ZFHX3: variants seen among roughly 807,000 people sequenced by gnomAD.
ZFHX3 encodes zinc finger homeobox 3, also known as zinc finger homeobox protein 3.
In ZFHX3, 42 loss-of-function variants were observed where a neutral mutation model predicts 279.1. That is an observed-to-expected ratio of 0.15 (90% CI 0.12 to 0.19). ZFHX3 has a LOEUF of 0.19. Ranked by LOEUF, ZFHX3 falls within the 10% of genes least tolerant of loss-of-function variation. The pLI is 1.00. For missense variants in ZFHX3, 4,981 were observed against 4,754.0 expected (o/e 1.05, Z -1.40); for synonymous variants, 2,293 against 1,957.8 (o/e 1.17, Z -4.52).
intron 3 of ZFHX3, among the ~76,000 whole-genome samples, chr16:72,925,795 C>T (rs746808459): frequency 9.2e-5 from 14 of 152,202 alleles, no homozygotes; most frequent in Non-Finnish European, 1.6e-4. Context: ...GGGGCTGGAA[C>T]GGGCACCAGC....
chr16:73,755,649 C>G (rs935084354), intron 1 of ZFHX3, among the ~76,000 whole-genome samples: 1 of 152,184 alleles, frequency 6.6e-6, no homozygotes, highest in Admixed American at 6.5e-5. Flanking sequence ...ATTGTCCTGA[C>G]AGCTCACAGT....
chr16:73,309,978 C>T (rs543224004), intron 4 of ZFHX3, among the ~76,000 whole-genome samples: 8 of 143,722 alleles, frequency 5.6e-5, no homozygotes, highest in African/African-American at 1.3e-4. Flanking sequence ...GAGCAATCTC[C>T]GCTCACTGCA....
chr16:72,882,747 T>G (rs1248404587), intron 4 of ZFHX3, among the ~76,000 whole-genome samples: 3 of 152,106 alleles, frequency 2.0e-5, no homozygotes, highest in African/African-American at 4.8e-5. Flanking sequence ...AAAGTTTAAT[T>G]GCCCTTAATT....
At chr16:72,889,415 G>C (rs1307037455) in intron 4 of ZFHX3, among the ~76,000 whole-genome samples, 1 of 150,442 alleles carries the variant, frequency 6.6e-6, no homozygotes, top group Admixed American at 6.6e-5. Flanking sequence ...CTGTTGGCCT[G>C]CTCCCTGGGT....
At chr16:73,725,193 T>G (rs2053507638) in intron 1 of ZFHX3, among the ~76,000 whole-genome samples, 1 of 152,236 alleles carries the variant, frequency 6.6e-6, no homozygotes, top group Non-Finnish European at 1.5e-5. Flanking sequence ...GTTTATTTCT[T>G]CTTGAAGAAC....
intron 2 of ZFHX3, among the ~76,000 whole-genome samples, chr16:73,591,724 GAA>G (rs2052001415): frequency 9.9e-6 from 1 of 101,224 alleles, no homozygotes; most frequent in South Asian, 3.9e-4. Flanking sequence ...AAAAAGAAAA[GAA>G]AAGAAAACGG....
intron 4 of ZFHX3, among the ~76,000 whole-genome samples, chr16:73,267,557 T>C (rs2014012092): frequency 6.6e-6 from 1 of 152,178 alleles, no homozygotes; most frequent in Admixed American, 6.5e-5. Context: ...CGAGCCTCAA[T>C]GACATCCGGT....
chr16:73,604,081 A>G (rs1278154145), intron 2 of ZFHX3, among the ~76,000 whole-genome samples: 1 of 152,014 alleles, frequency 6.6e-6, no homozygotes, highest in African/African-American at 2.4e-5. Flanking sequence ...CAGCCATTCT[A>G]TATTATTAAT....
intron 3 of ZFHX3, among the ~76,000 whole-genome samples, chr16:73,439,086 A>C (rs2018043071): frequency 6.6e-6 from 1 of 152,192 alleles, no homozygotes; most frequent in Non-Finnish European, 1.5e-5. Context: ...TTCCTCCCTA[A>C]ACCAAAGCAA....
intron 3 of ZFHX3, among the ~76,000 whole-genome samples, chr16:73,430,473 G>A (rs1012912353): frequency 1.3e-5 from 2 of 152,092 alleles, no homozygotes; most frequent in South Asian, 2.1e-4. Flanking sequence ...AGGTGCTGAG[G>A]ACACAGCAGG....
rs1162434013 is a variant in ZFHX3 at position 73,539,433 on chromosome 16, C to CTTTTTTTTTTTT, written c.-1546-83187_-1546-83176dup. ...TAAATTTTTTTCCCTTCCTCTTCTTCTTTTTTTTTTTTTTTTTTTTTTTTT... is the reference window on the plus strand; with the variant it reads ...TAAATTTTTTTCCCTTCCTCTTCTTCTTTTTTTTTTTTTTTTTTTTTTTTTTTTTTTTTTTTT... On this transcript the variant is annotated intron_variant, in intron 2 of 17. Transcript: ENST00000641206. 2.0e-3 allele frequency among the ~76,000 whole-genome samples: 132 copies of CTTTTTTTTTTTT among 65,074 alleles called. 10 individuals are homozygous for CTTTTTTTTTTTT. The highest frequency in any genetic ancestry group is 6.3e-3 in the South Asian group (7 of 1,110). The allele number at this position is 65,074 out of a possible 152,430, so 42.7% of individuals were successfully genotyped here.
intron 2 of ZFHX3, among the ~76,000 whole-genome samples, chr16:73,556,596 AG>A (rs535427091): frequency 1.0e-3 from 156 of 152,190 alleles, no homozygotes; most frequent in African/African-American, 3.4e-3. Context: ...TGGGGTTTTC[AG>A]GGTGGCAGGG....
At chr16:72,864,883 G>A (rs151037058) in intron 4 of ZFHX3, among the ~76,000 whole-genome samples, 2 of 152,320 alleles carry the variant, frequency 1.3e-5, no homozygotes, top group East Asian at 1.9e-4. Context: ...TTCAATTTAT[G>A]AGCCGTGATG....
chr16:72,823,602 TTTTA>T (rs879725579), intron 5 of ZFHX3, among the ~76,000 whole-genome samples: 1 of 152,220 alleles, frequency 6.6e-6, no homozygotes, highest in African/African-American at 2.4e-5. Flanking sequence ...GCCTTGAGCC[TTTTA>T]TCCAGGGTAT....
rs779263551 is a variant in ZFHX3, at chr16:72,795,295, TCTGCTCGGG to T, written c.7378_7386del (p.Pro2460_Gln2462del). ...AGCTTCTGCTGGGGAGTGTTGGTCTTCTGCTCGGGCTGCTCTTGCTGCTGCAGCTCTGGC... is the reference window on the plus strand; with the variant it reads ...AGCTTCTGCTGGGGAGTGTTGGTCTTCTGCTCTTGCTGCTGCAGCTCTGGC... On this transcript the variant is annotated inframe_deletion, in exon 9 of 10. Coordinates refer to ENST00000268489, the MANE Select transcript of ZFHX3 (RefSeq NM_006885.4). The T allele has an allele frequency of 1.2e-5, 19 of 1,613,806 alleles. No homozygotes were observed. The African/African-American group carries it at 2.3e-4, about 19-fold the overall frequency.
At chr16:73,490,937 T>C (rs1418270103) in intron 2 of ZFHX3, among the ~76,000 whole-genome samples, 10 of 152,344 alleles carry the variant, frequency 6.6e-5, no homozygotes, top group Admixed American at 6.5e-4. Flanking sequence ...TATAATACAA[T>C]GTCAGATTTC....
At chr16:73,838,564 G>A (rs183906947) in intron 1 of ZFHX3, among the ~76,000 whole-genome samples, 4 of 152,232 alleles carry the variant, frequency 2.6e-5, no homozygotes, top group Admixed American at 2.0e-4. Context: ...AAAGACCTTT[G>A]CAAACAGTAA....
At chr16:73,321,199 T>C (rs1478074998) in intron 3 of ZFHX3, among the ~76,000 whole-genome samples, 1 of 152,184 alleles carries the variant, frequency 6.6e-6, no homozygotes, top group Non-Finnish European at 1.5e-5. Flanking sequence ...CATTGCTCTC[T>C]AAAATTTTCT....
intron 3 of ZFHX3, among the ~76,000 whole-genome samples, chr16:72,896,647 C>CA (rs1033501725): frequency 3.2e-4 from 49 of 151,902 alleles, no homozygotes; most frequent in African/African-American, 9.9e-4. Context: ...TCGTGAAAAT[C>CA]AAAAAAACGT....
Sources: allele counts gnomAD v4.1 joint callset (sites outside exome capture counted in the v4.1 genomes callset), GRCh38; gene constraint gnomAD v4.1.1; transcripts MANE v1.5; gene names NCBI Gene and HGNC (gene_info 2026-07-23, HGNC 2026-07-21).